Variants in SNED1 observed in about 807,000 individuals in gnomAD.
SNED1 encodes sushi, nidogen and EGF like domains 1, also known as sushi, nidogen and EGF-like domain-containing protein 1.
SNED1 carries 81 observed loss-of-function variants against 166.7 expected under a neutral mutation model. The observed-to-expected ratio is 0.49, with a 90% CI of 0.41 to 0.58. SNED1 has a LOEUF of 0.58. Among genes scored for constraint, SNED1 ranks in the 20% least tolerant of loss-of-function variants. The pLI is 0.00. For synonymous variants in SNED1, 762 were observed against 822.0 expected, an observed-to-expected ratio of 0.93 and a Z score of 1.25; for missense variants, 1,604 against 2,000.2, an observed-to-expected ratio of 0.80 and a Z score of 3.78.
chr2:241,040,342 C>T lies in SNED1; in HGVS notation c.1202C>T (p.Ser401Phe). Residue 401 changes from serine to phenylalanine, a missense_variant, in exon 8 of 32, where the codon TCT (serine) becomes TTT (phenylalanine). Ser to Phe is a radical substitution (Grantham distance 155). Transcript: ENST00000310397. ...CCTGACCCCTGCCTGAATGGAGGCT[C>T]TTGTGTTGACCTAGTGGGGAATTAC... ...CSPDPCLNGG[S>F]CVDLVGNYTC... 1 of 1,609,652 alleles carries T rather than the reference C, an allele frequency of 6.2e-7. No individual in the cohort carries two copies. The highest frequency in any genetic ancestry group is 8.5e-7 in the Non-Finnish European group (1 of 1,178,114).
At position 241,067,782 on chromosome 2, in the gene SNED1, G is replaced by C. The variant is rs2062524489; in HGVS notation, c.3029G>C (p.Gly1010Ala). ...CCCCTAGGACCCCGCCCTGTGGAAG[G>C]CTTCGAGGTCACCAATGTGACGGCT... ...LARTRPRPVE[G>A]FEVTNVTAST... The change falls in exon 22 of 32, where the codon GGC becomes GCC. Residue 1010 changes from glycine to alanine, a missense_variant. This residue lies in a region of SNED1 where 1,237 missense variants were observed against 1,620.8 expected (regional missense o/e 0.76). Coordinates refer to ENST00000310397, the MANE Select transcript of SNED1 (RefSeq NM_001080437.3). 3 of 1,610,322 alleles carry C rather than the reference G, an allele frequency of 1.9e-6. No homozygotes were observed. The highest frequency in any genetic ancestry group is 2.2e-5 in the South Asian group (2 of 91,014).
rs957857869 is a variant in SNED1 at position 240,999,092 on chromosome 2, G to T, written c.213+42G>T. 5 of 1,173,606 alleles carry T rather than the reference G, an allele frequency of 4.3e-6. No individual in the cohort carries two copies. 72.7% of individuals were successfully genotyped at this position (1,173,606 alleles called of 1,614,324 possible). A position where few individuals can be genotyped will look rare whatever the true frequency, so the allele number is the denominator to read the frequency against. ...CTCGCGGGGCGCCCGGGAGGGGAGG[G>T]AGCTGCGCCCCGGCCGCTGCCCGCC... On this transcript the variant is annotated intron_variant, in intron 1 of 31. Coordinates refer to ENST00000310397, the MANE Select transcript of SNED1 (RefSeq NM_001080437.3). This position sits in a 1 kb window ranked among gnomAD's most constrained non-coding sequence, Gnocchi z 5.8.
At chr2:241,087,950 T>G (rs925965246) in intron 30 of SNED1, 2 of 399,688 alleles carry the variant, frequency 5.0e-6, no homozygotes, top group Non-Finnish European at 8.8e-6. Context: ...TCGAAGCCTG[T>G]CATCGTCCTC....
intron 1 of SNED1, among the ~76,000 whole-genome samples, chr2:241,028,762 G>A (rs1038078542): frequency 6.6e-6 from 1 of 152,210 alleles, no homozygotes; most frequent in East Asian, 1.9e-4. Context: ...TGACTACTCT[G>A]ATAAAATTCT....
In SNED1 at chr2:241,071,701, A is replaced by AACCC; in HGVS notation, c.3715_3716insACCC (p.Thr1239AsnfsTer61). 11 of 1,281,722 alleles carry AACCC rather than the reference A, an allele frequency of 8.6e-6. No homozygotes were observed. Among genetic ancestry groups the AACCC allele is most frequent in the Non-Finnish European group, 1.2e-5 (11 of 928,562 alleles). The allele number at this position is 1,281,722 out of a possible 1,614,324, so 79.4% of individuals were successfully genotyped here. On this transcript the variant is annotated frameshift_variant, in exon 25 of 32. Transcript: ENST00000310397. LOFTEE classifies it high-confidence loss of function. ...GCTCAATGACCACAGCGCCCCCGAG[A>AACCC]CCCCCACCCAGCCCCCCAGGTACAT...
At chr2:241,049,322 G>A (rs551657795) in intron 11 of SNED1, among the ~76,000 whole-genome samples, 187 bp downstream of exon 11, 1 of 152,328 alleles carries the variant, frequency 6.6e-6, no homozygotes, top group East Asian at 1.9e-4. Context: ...CTCTTCCCCA[G>A]TGGAGTAAGC....
chr2:241,066,583 G>A (rs1386076910), intron 21 of SNED1, among the ~76,000 whole-genome samples: 1 of 151,552 alleles, frequency 6.6e-6, no homozygotes, highest in Non-Finnish European at 1.5e-5. Context: ...CTCGAGGAAA[G>A]AGGAAAAGGT....
intron 27 of SNED1, among the ~76,000 whole-genome samples, chr2:241,080,433 T>A (rs1235538080): frequency 2.0e-5 from 3 of 152,200 alleles, no homozygotes; most frequent in African/African-American, 7.2e-5. Context: ...CATCCCATAA[T>A]AGGGAGCGGT....
chr2:241,020,394 C>T (rs1230239280), intron 1 of SNED1, among the ~76,000 whole-genome samples: 1 of 152,216 alleles, frequency 6.6e-6, no homozygotes, highest in Non-Finnish European at 1.5e-5. Flanking sequence ...CCAGCTTAGC[C>T]GGACCATCCT....
At chr2:241,087,682 C>T (rs1018988600) in intron 30 of SNED1, 15 of 1,365,098 alleles carry the variant, frequency 1.1e-5, no homozygotes, top group African/African-American at 3.0e-5. Flanking sequence ...GGGGCACAGC[C>T]GGGCATGCTG....
At chr2:241,047,888 A>G (rs1481200203) in intron 8 of SNED1, among the ~76,000 whole-genome samples, 1 of 150,080 alleles carries the variant, frequency 6.7e-6, no homozygotes, top group Non-Finnish European at 1.5e-5. Flanking sequence ...TGTTCTGTCC[A>G]ATCCTGGGTG....
chr2:241,019,744 A>C, intron 1 of SNED1, among the ~76,000 whole-genome samples: 1 of 152,182 alleles, frequency 6.6e-6, no homozygotes, highest in East Asian at 1.9e-4. Context: ...CAGGCTGTCA[A>C]ATCAGTGACC....
chr2:241,036,272 C>G (rs1245001097), intron 4 of SNED1, among the ~76,000 whole-genome samples: 1 of 151,776 alleles, frequency 6.6e-6, no homozygotes, highest in Non-Finnish European at 1.5e-5. Flanking sequence ...AACAGGCCCC[C>G]GCTTGCATCT....
intron 31 of SNED1, 141 bp downstream of exon 31, chr2:241,088,543 C>T: frequency 1.4e-6 from 1 of 708,220 alleles, no homozygotes; most frequent in Non-Finnish European, 2.5e-6. Context: ...TGCTGTGTTA[C>T]AGACTCCCGG....
intron 1 of SNED1, among the ~76,000 whole-genome samples, chr2:241,003,286 C>G (rs1204330884): frequency 2.0e-5 from 3 of 152,212 alleles, no homozygotes; most frequent in African/African-American, 7.2e-5. Context: ...TGCCACCATT[C>G]TGGTGTTGGG....
Position 241,054,973 on chromosome 2 carries a change from C to T in SNED1, c.2257+1647C>T, listed in dbSNP as rs544120076. On this transcript the variant is annotated intron_variant, in intron 16 of 31. Transcript: ENST00000310397. Reference sequence around the variant, plus strand: ...CCCTACTTAAAATACAAAAACTAGCCGGGTGTGGTGGCACATGCCTGTAAT... The same window carrying T: ...CCCTACTTAAAATACAAAAACTAGCTGGGTGTGGTGGCACATGCCTGTAAT... Among the ~76,000 whole-genome samples the T allele has an allele frequency of 1.3e-3, 198 of 152,140 alleles. 1 individual carries two copies. Among genetic ancestry groups the T allele is most frequent in the African/African-American group, 4.5e-3 (185 of 41,504 alleles).
In SNED1 at chr2:241,064,137, GGCCTGCCTGCTCCCCGCCCTCT is replaced by G. The variant is rs1427296709; in HGVS notation, c.2599+16_2599+37del. On this transcript the variant is annotated intron_variant, in intron 19 of 31. Transcript: ENST00000310397. The surrounding 1 kb of genome is among the most constrained non-coding windows in gnomAD (Gnocchi z 7.0). ...CCACTGCGAGACAGGTAGGGCGGCAGGCCTGCCTGCTCCCCGCCCTCTGCCCGCCTGCTCCCCGCCCTCTGCC... is the reference window on the plus strand; with the variant it reads ...CCACTGCGAGACAGGTAGGGCGGCAGGCCCGCCTGCTCCCCGCCCTCTGCC... 6,908 of 1,525,834 alleles carry G rather than the reference GGCCTGCCTGCTCCCCGCCCTCT, an allele frequency of 4.5e-3. 347 individuals are homozygous for G. In the African/African-American group the frequency reaches 0.052, roughly 11 times the overall value. The allele number at this position is 1,525,834 out of a possible 1,614,324, so 94.5% of individuals were successfully genotyped here.
At position 241,069,024 on chromosome 2, in the gene SNED1, G is replaced by C; in HGVS notation, c.3307+1G>C. 1 of 1,547,302 alleles carries C rather than the reference G, an allele frequency of 6.5e-7. No individual in the cohort carries two copies. Among genetic ancestry groups the C allele is most frequent in the Non-Finnish European group, 8.7e-7 (1 of 1,144,410 alleles). On this transcript the variant is annotated splice_donor_variant, in intron 23 of 31. Coordinates refer to ENST00000310397, the MANE Select transcript of SNED1 (RefSeq NM_001080437.3). LOFTEE classifies it high-confidence loss of function. The surrounding 1 kb of genome is among the most constrained non-coding windows in gnomAD (Gnocchi z 4.9). ...ACCGCGCCGACGCACGTGTGGACCC[G>C]TGAGTAGAGCAGCGCGGCCCCCGGC...
intron 9 of SNED1, 53 bp from the exon 10 acceptor site, chr2:241,048,609 G>A (rs1367181890): frequency 6.5e-7 from 1 of 1,535,464 alleles, no homozygotes; most frequent in Admixed American, 1.9e-5. Context: ...TGGAGCGAGG[G>A]TGCCATCTTT....
Sources: allele counts gnomAD v4.1 joint callset (sites outside exome capture counted in the v4.1 genomes callset), GRCh38; gene constraint gnomAD v4.1.1; regional missense constraint gnomAD v4.1.1; non-coding constraint Gnocchi (gnomAD v3.1); transcripts MANE v1.5; gene names NCBI Gene and HGNC (gene_info 2026-07-23, HGNC 2026-07-21).